MKX: variants seen among roughly 807,000 people sequenced by gnomAD.
MKX encodes mohawk homeobox, also known as homeobox protein Mohawk.
In MKX, 13 loss-of-function variants were observed where a neutral mutation model predicts 36.0. The observed-to-expected ratio is 0.36, with a 90% CI of 0.24 to 0.57. MKX has a LOEUF of 0.57. Ranked by LOEUF, MKX falls within the 20% of genes least tolerant of loss-of-function variation. The pLI is 0.79. For synonymous variants in MKX, 176 were observed against 178.3 expected (o/e 0.99, Z 0.10); for missense variants, 458 against 456.4 (o/e 1.00, Z -0.03).
At chr10:27,676,788 A>G (rs1300306375) in intron 5 of MKX, among the ~76,000 whole-genome samples, 2 of 152,166 alleles carry the variant, frequency 1.3e-5, no homozygotes, top group Admixed American at 6.5e-5. Context: ...TGGCATATTT[A>G]TTAGAAGAAG....
At chr10:27,718,978 C>T (rs1279695882) in intron 5 of MKX, among the ~76,000 whole-genome samples, 1 of 152,080 alleles carries the variant, frequency 6.6e-6, no homozygotes, top group African/African-American at 2.4e-5. Flanking sequence ...TAAAAACTCT[C>T]AGAAGTAAGG....
intron 5 of MKX, among the ~76,000 whole-genome samples, chr10:27,730,966 C>G (rs1273341037): frequency 1.3e-5 from 2 of 151,494 alleles, no homozygotes; most frequent in African/African-American, 4.8e-5. Flanking sequence ...AACCCCGTCT[C>G]TACTAAAAAT....
At chr10:27,682,984 GAA>G (rs780669941) in intron 5 of MKX, among the ~76,000 whole-genome samples, 2 of 134,056 alleles carry the variant, frequency 1.5e-5, no homozygotes, top group Non-Finnish European at 3.2e-5. Context: ...ACTCGGTCTC[GAA>G]AAAAAAAAAA....
At chr10:27,686,209 A>C (rs1356842463) in intron 5 of MKX, among the ~76,000 whole-genome samples, 1 of 152,160 alleles carries the variant, frequency 6.6e-6, no homozygotes, top group African/African-American at 2.4e-5. Context: ...ATAATAAATG[A>C]ATAAAATGAA....
rs2492909 is a variant in MKX at position 27,674,317 on chromosome 10, A to G, written c.*912T>C. 71,365 of 152,324 alleles carry G rather than the reference A, an allele frequency of 0.47. 17,331 individuals carry two copies. The highest frequency in any genetic ancestry group is 0.8 in the East Asian group (4,137 of 5,176). The allele number at this position is 152,324 out of a possible 1,614,324, so 9.4% of individuals were successfully genotyped here. On this transcript the variant is annotated 3_prime_UTR_variant, in exon 7 of 7. Transcript: ENST00000419761. ...TCCATCAGCAATTGTAATTTGAAAC[A>G]AACCAAATAAAAGATTTTTAGTCAT...
At chr10:27,685,901 G>C (rs946023957) in intron 5 of MKX, among the ~76,000 whole-genome samples, 1 of 152,158 alleles carries the variant, frequency 6.6e-6, no homozygotes, top group Non-Finnish European at 1.5e-5. Context: ...GACAGTTAGA[G>C]CTTTTGAATG....
At chr10:27,743,164 A>C (rs1202164802) in intron 2 of MKX, 64 bp downstream of exon 2, 7 of 1,366,408 alleles carry the variant, frequency 5.1e-6, no homozygotes, top group Admixed American at 3.9e-5. Context: ...GGACCCCGTC[A>C]CAGCTCACCA....
chr10:27,675,211 C>A lies in MKX; in HGVS notation c.*18G>T, dbSNP rs781675225. The A allele has an allele frequency of 6.2e-7, 1 of 1,607,956 alleles. No homozygotes were observed. The stretch of plus-strand genomic sequence containing the variant: ...ACACCGGAAAGAACATCCATTGGAT[C>A]TGAAAAGCAACAAGCTCTTAAAACT... On this transcript the variant is annotated 3_prime_UTR_variant, in exon 7 of 7. Coordinates refer to ENST00000419761, the MANE Select transcript of MKX (RefSeq NM_173576.3).
At chr10:27,731,879 G>A (rs1453003555) in intron 5 of MKX, among the ~76,000 whole-genome samples, 10 of 152,068 alleles carry the variant, frequency 6.6e-5, no homozygotes, top group East Asian at 3.8e-4. Context: ...GGAAAATTGC[G>A]TAGGCATCTA....
chr10:27,741,598 A>G lies in MKX; in HGVS notation c.189-94T>C, dbSNP rs2132655254. Reference sequence around the variant, plus strand: ...GGCCAAGCCCGGGCCCCGCATCCAAACTGCGCATTCCTGCCTTGCGCCCCT... The same window carrying G: ...GGCCAAGCCCGGGCCCCGCATCCAAGCTGCGCATTCCTGCCTTGCGCCCCT... On this transcript the variant is annotated intron_variant, in intron 2 of 6. Transcript: ENST00000419761. The surrounding 1 kb of genome is among the most constrained non-coding windows in gnomAD (Gnocchi z 5.1). 1.4e-6 allele frequency: 2 copies of G among 1,400,720 alleles called. No homozygotes were observed. Among genetic ancestry groups the G allele is most frequent in the South Asian group, 1.5e-5 (1 of 67,900 alleles). 86.8% of individuals were successfully genotyped at this position (1,400,720 alleles called of 1,614,324 possible).
intron 4 of MKX, 130 bp from the exon 5 acceptor site, chr10:27,734,921 C>A: frequency 1.8e-6 from 1 of 569,512 alleles, no homozygotes; most frequent in Non-Finnish European, 2.7e-6. Flanking sequence ...CTTTGATAGT[C>A]AAGATCAATT....
intron 5 of MKX, among the ~76,000 whole-genome samples, chr10:27,705,418 G>A (rs925528084): frequency 3.3e-5 from 5 of 152,028 alleles, no homozygotes; most frequent in East Asian, 1.9e-4. Context: ...GCAGTGGCAC[G>A]GTCATACCTC....
chr10:27,693,754 G>C (rs1836495989), intron 5 of MKX, among the ~76,000 whole-genome samples: 1 of 152,100 alleles, frequency 6.6e-6, no homozygotes, highest in Non-Finnish European at 1.5e-5. Flanking sequence ...ACTTCTGGGG[G>C]ATTAAAAGCA....
At chr10:27,683,254 G>A (rs963632111) in intron 5 of MKX, among the ~76,000 whole-genome samples, 5 of 152,220 alleles carry the variant, frequency 3.3e-5, no homozygotes, top group African/African-American at 1.2e-4. Context: ...TCTTTTCTAT[G>A]TGAAGGTATG....
chr10:27,723,310 C>T (rs1223044585), intron 5 of MKX, among the ~76,000 whole-genome samples: 4 of 152,120 alleles, frequency 2.6e-5, no homozygotes, highest in Non-Finnish European at 5.9e-5. Context: ...ACCCAGGAGA[C>T]ACCGTCAAAA....
intron 5 of MKX, among the ~76,000 whole-genome samples, chr10:27,682,694 C>A (rs1033732729): frequency 6.6e-6 from 1 of 152,114 alleles, no homozygotes; most frequent in African/African-American, 2.4e-5. Flanking sequence ...AAGAAGCGCA[C>A]AACTGACCAG....
At chr10:27,719,040 A>G (rs1191063093) in intron 5 of MKX, among the ~76,000 whole-genome samples, 2 of 152,194 alleles carry the variant, frequency 1.3e-5, no homozygotes, top group Admixed American at 1.3e-4. Flanking sequence ...TTATAGAATT[A>G]CCCTTTAAGA....
chr10:27,692,008 G>A (rs1231238438), intron 5 of MKX, among the ~76,000 whole-genome samples: 1 of 152,156 alleles, frequency 6.6e-6, no homozygotes, highest in East Asian at 1.9e-4. Flanking sequence ...GTGCTGCGAT[G>A]AATATACAAA....
At chr10:27,696,391 T>C (rs1441708957) in intron 5 of MKX, among the ~76,000 whole-genome samples, 2 of 152,166 alleles carry the variant, frequency 1.3e-5, no homozygotes, top group Non-Finnish European at 2.9e-5. Flanking sequence ...GCAAACATTG[T>C]TTTTGTAGAG....
Sources: allele counts gnomAD v4.1 joint callset (sites outside exome capture counted in the v4.1 genomes callset), GRCh38; gene constraint gnomAD v4.1.1; non-coding constraint Gnocchi (gnomAD v3.1); transcripts MANE v1.5; gene names NCBI Gene and HGNC (gene_info 2026-07-23, HGNC 2026-07-21).